The following RBFOX1 variants were observed in gnomAD, a reference collection of about 807,000 sequenced individuals.
RBFOX1 encodes RNA binding fox-1 homolog 1, also known as RNA binding protein fox-1 homolog 1.
Under a neutral mutation model 57.7 loss-of-function variants are expected in RBFOX1, and 8 were observed. The observed-to-expected ratio is 0.14, with a 90% CI of 0.08 to 0.25. RBFOX1 has a LOEUF of 0.25. Among genes scored for constraint, RBFOX1 ranks in the 10% least tolerant of loss-of-function variants. The pLI is 1.00. For synonymous variants in RBFOX1, 326 were observed against 222.4 expected, an observed-to-expected ratio of 1.47 and a Z score of -4.15; for missense variants, 611 against 548.5, an observed-to-expected ratio of 1.11 and a Z score of -1.14.
intron 1 of RBFOX1, among the ~76,000 whole-genome samples, chr16:5,384,734 C>G (rs2066214260): frequency 6.6e-6 from 1 of 152,034 alleles, no homozygotes; most frequent in Non-Finnish European, 1.5e-5. Flanking sequence ...GCTTTTTGGC[C>G]CGAACATCAA....
At chr16:7,030,414 C>G (rs1597469304) in intron 3 of RBFOX1, among the ~76,000 whole-genome samples, 1 of 152,304 alleles carries the variant, frequency 6.6e-6, no homozygotes, top group African/African-American at 2.4e-5. Context: ...CTGGAGGCCA[C>G]AAGTCTGAAA....
intron 3 of RBFOX1, among the ~76,000 whole-genome samples, chr16:6,998,273 G>C (rs974493765): frequency 6.6e-6 from 1 of 152,170 alleles, no homozygotes; most frequent in Non-Finnish European, 1.5e-5. Flanking sequence ...TGGGGTTCTA[G>C]AAACTGGCTT....
chr16:7,037,012 G>A (rs2044677133), intron 3 of RBFOX1, among the ~76,000 whole-genome samples: 1 of 152,122 alleles, frequency 6.6e-6, no homozygotes, highest in Admixed American at 6.5e-5. Flanking sequence ...TTTATAAACT[G>A]TCATGGTGCC....
At chr16:6,757,239 G>A (rs1236125019) in intron 3 of RBFOX1, among the ~76,000 whole-genome samples, 4 of 151,974 alleles carry the variant, frequency 2.6e-5, no homozygotes, top group Non-Finnish European at 5.9e-5. Flanking sequence ...CAATACAGAG[G>A]TTTCTCAAAA....
chr16:6,916,492 T>C (rs947301768), intron 3 of RBFOX1, among the ~76,000 whole-genome samples: 1 of 152,132 alleles, frequency 6.6e-6, no homozygotes, highest in Non-Finnish European at 1.5e-5. Flanking sequence ...TAGTTGTTTT[T>C]TTTTTTTTAA....
At chr16:6,116,790 G>C (rs747399) in intron 1 of RBFOX1, among the ~76,000 whole-genome samples, 2 of 151,878 alleles carry the variant, frequency 1.3e-5, no homozygotes, top group African/African-American at 4.8e-5. Flanking sequence ...ATATTACTAG[G>C]AATTTAGAGA....
intron 4 of RBFOX1, among the ~76,000 whole-genome samples, chr16:7,233,781 C>T (rs1162405898): frequency 2.0e-5 from 3 of 152,276 alleles, no homozygotes; most frequent in East Asian, 3.9e-4. Context: ...GCAGTTTTCT[C>T]TTCAAATTCT....
At chr16:6,552,055 T>C (rs1427549835) in intron 2 of RBFOX1, among the ~76,000 whole-genome samples, 3 of 152,228 alleles carry the variant, frequency 2.0e-5, no homozygotes, top group Admixed American at 6.5e-5. Flanking sequence ...GCCTCCCACC[T>C]TTGCTTGGTA....
chr16:6,029,730 G>A lies in RBFOX1; in HGVS notation c.-127+9738G>A, dbSNP rs1215209964. On this transcript the variant is annotated intron_variant, in intron 1 of 15. Transcript: ENST00000550418. ...GGAGTTTGCAGTGAGCCGAGATCGC[G>A]CCACTGTACTCCAGCCTGGGCGACA... 4.6e-5 allele frequency among the ~76,000 whole-genome samples: 6 copies of A among 129,722 alleles called. No individual in the cohort carries two copies. The East Asian group carries it at 9.7e-4, about 21-fold the overall frequency. The allele number at this position is 129,722 out of a possible 152,430, so 85.1% of individuals were successfully genotyped here. A position where few individuals can be genotyped will look rare whatever the true frequency, so the allele number is the denominator to read the frequency against.
intron 1 of RBFOX1, among the ~76,000 whole-genome samples, chr16:5,361,024 C>T (rs765328574): frequency 1.3e-5 from 2 of 152,150 alleles, no homozygotes; most frequent in Non-Finnish European, 2.9e-5. Flanking sequence ...ACAATGTCAA[C>T]TCTACAAATG....
At chr16:7,103,061 A>G (rs955158220) in intron 4 of RBFOX1, among the ~76,000 whole-genome samples, 9 of 134,870 alleles carry the variant, frequency 6.7e-5, no homozygotes, top group Admixed American at 2.2e-4. Flanking sequence ...CCCTAATTCT[A>G]TCTTTGCCTC....
chr16:6,089,768 G>T (rs534235889), intron 1 of RBFOX1, among the ~76,000 whole-genome samples: 2 of 152,150 alleles, frequency 1.3e-5, no homozygotes, highest in Non-Finnish European at 2.9e-5. Context: ...TTAGAGGTGG[G>T]TGTTTATAGA....
chr16:7,340,555 C>T (rs1302774528), intron 4 of RBFOX1, among the ~76,000 whole-genome samples: 1 of 152,190 alleles, frequency 6.6e-6, no homozygotes, highest in Non-Finnish European at 1.5e-5. Flanking sequence ...CTAGGGAAGT[C>T]AAGACAGTCC....
intron 4 of RBFOX1, among the ~76,000 whole-genome samples, chr16:7,215,569 A>C (rs937364646): frequency 9.9e-5 from 15 of 152,160 alleles, no homozygotes; most frequent in African/African-American, 3.1e-4. Flanking sequence ...TTGTAAGTAC[A>C]TTTACTGAGT....
intron 1 of RBFOX1, among the ~76,000 whole-genome samples, chr16:5,387,462 TG>T (rs2066288168): frequency 6.6e-6 from 1 of 152,228 alleles, no homozygotes; most frequent in Non-Finnish European, 1.5e-5. Flanking sequence ...GACATTGTCA[TG>T]GCCCAGTGTG....
At chr16:5,588,508 G>T (rs2046904484) in intron 2 of RBFOX1, among the ~76,000 whole-genome samples, 1 of 152,128 alleles carries the variant, frequency 6.6e-6, no homozygotes, top group Admixed American at 6.6e-5. Context: ...TAGTTTTACA[G>T]TCCAGGCAAT....
At chr16:6,798,800 T>C (rs2084691188) in intron 3 of RBFOX1, among the ~76,000 whole-genome samples, 1 of 152,200 alleles carries the variant, frequency 6.6e-6, no homozygotes, top group South Asian at 2.1e-4. Flanking sequence ...CCATAGTTTA[T>C]TGAGCATCTG....
intron 1 of RBFOX1, among the ~76,000 whole-genome samples, chr16:6,285,247 A>C (rs955096698): frequency 1.3e-5 from 2 of 152,182 alleles, no homozygotes; most frequent in Admixed American, 1.3e-4. Context: ...CTTAGTAGGA[A>C]GTAGATTCTG....
chr16:5,730,050 G>A (rs1290683510), intron 3 of RBFOX1, among the ~76,000 whole-genome samples: 1 of 152,176 alleles, frequency 6.6e-6, no homozygotes. Flanking sequence ...TCCACTTTGA[G>A]TATCACACAG....
Sources: gnomAD v4.1 joint callset for allele counts (sites outside exome capture counted in the v4.1 genomes callset) on GRCh38, gnomAD v4.1.1 for gene constraint, MANE v1.5 for transcripts, NCBI Gene and HGNC (gene_info 2026-07-23, HGNC 2026-07-21) for gene names.